Variants in TCF3 observed in about 807,000 individuals in gnomAD.
TCF3 encodes transcription factor E2-alpha.
Under a neutral mutation model 72.3 loss-of-function variants are expected in TCF3, and 54 were observed. The observed-to-expected ratio is 0.75, with a 90% CI of 0.60 to 0.94. The LOEUF is 0.94. Among genes scored for constraint, TCF3 ranks in the 40% least tolerant of loss-of-function variants. The pLI is 0.00. For missense variants in TCF3, 1,078 were observed against 934.4 expected (o/e 1.15, Z -2.00); for synonymous variants, 525 against 412.6 (o/e 1.27, Z -3.30).
chr19:1,632,588 G>A (rs1425736962), intron 3 of TCF3, among the ~76,000 whole-genome samples, 183 bp from the exon 4 acceptor site: 2 of 152,108 alleles, frequency 1.3e-5, no homozygotes, highest in African/African-American at 2.4e-5. Flanking sequence ...CAGACACCCT[G>A]GGACTCGGAG....
chr19:1,611,244 T>G lies in TCF3; in HGVS notation c.*463A>C. 1 of 301,680 alleles carries G rather than the reference T, an allele frequency of 3.3e-6. No homozygotes were observed. The highest frequency in any genetic ancestry group is 6.1e-6 in the Non-Finnish European group (1 of 164,386). The allele number at this position is 301,680 out of a possible 1,614,324, so 18.7% of individuals were successfully genotyped here. A position where few individuals can be genotyped will look rare whatever the true frequency, so the allele number is the denominator to read the frequency against. On this transcript the variant is annotated 3_prime_UTR_variant, in exon 19 of 19. Coordinates refer to ENST00000262965, the MANE Select transcript of TCF3 (RefSeq NM_003200.5). Reference sequence around the variant, plus strand: ...CAATTTGCTGGTGGCTTTAGAAGAATAAGCCAGGTTTCCACAGCATCCCCC... The same window carrying G: ...CAATTTGCTGGTGGCTTTAGAAGAAGAAGCCAGGTTTCCACAGCATCCCCC...
At position 1,611,710 on chromosome 19, in the gene TCF3, CAT is replaced by C; in HGVS notation, c.1960_1961del (p.Met654ValfsTer47). The C allele has an allele frequency of 6.2e-7, 1 of 1,612,828 alleles. No homozygotes were observed. The highest frequency in any genetic ancestry group is 8.5e-7 in the Non-Finnish European group (1 of 1,179,426). On this transcript the variant is annotated frameshift_variant, in exon 19 of 19. Coordinates refer to ENST00000262965, the MANE Select transcript of TCF3 (RefSeq NM_003200.5). LOFTEE classifies it high-confidence loss of function. ...TCGTCCCACGGAGGCATACCTTTCA[CAT>C]GTGCCCGGCGGGGTTGTGGGCTTCG... ...LSEAHNPAGH[M>X]
intron 5 of TCF3, 42 bp downstream of exon 5, chr19:1,631,996 A>G: frequency 6.2e-7 from 1 of 1,601,330 alleles, no homozygotes; most frequent in Non-Finnish European, 8.5e-7. Flanking sequence ...ACGTCTGCAC[A>G]TCTGTGCACA....
intron 1 of TCF3, chr19:1,651,373 G>C (rs942253807): frequency 2.6e-5 from 6 of 227,296 alleles, no homozygotes; most frequent in Non-Finnish European, 4.4e-5. Context: ...ACTGGAGGCC[G>C]GGTGTGAAGC....
intron 3 of TCF3, among the ~76,000 whole-genome samples, chr19:1,639,001 C>CAA (rs1184792044): frequency 6.6e-6 from 1 of 152,168 alleles, no homozygotes; most frequent in African/African-American, 2.4e-5. Flanking sequence ...GCCACACCAA[C>CAA]AAAAAGGAAG....
chr19:1,640,906 T>C (rs1008108679), intron 3 of TCF3, among the ~76,000 whole-genome samples: 1 of 151,792 alleles, frequency 6.6e-6, no homozygotes, highest in African/African-American at 2.4e-5. Flanking sequence ...CCCAGCACTT[T>C]GGGAGGCCGA....
At chr19:1,648,278 C>T (rs1179001685) in intron 2 of TCF3, among the ~76,000 whole-genome samples, 1 of 152,164 alleles carries the variant, frequency 6.6e-6, no homozygotes, top group Non-Finnish European at 1.5e-5. Flanking sequence ...AGTGGGGATG[C>T]GGGCAGTCAC....
At chr19:1,617,687 C>T (rs541594936) in intron 16 of TCF3, among the ~76,000 whole-genome samples, 9 of 152,332 alleles carry the variant, frequency 5.9e-5, no homozygotes, top group Non-Finnish European at 1.3e-4. Context: ...CCTCAGCACA[C>T]GAAGTGAAGG....
intron 7 of TCF3, 101 bp downstream of exon 7, chr19:1,625,475 G>A: frequency 7.3e-7 from 1 of 1,370,312 alleles, no homozygotes; most frequent in Non-Finnish European, 9.5e-7. Context: ...GAAGGTGCGG[G>A]GTCTGCTCCC....
chr19:1,652,145 C>T (rs2145860114), intron 1 of TCF3, among the ~76,000 whole-genome samples, 155 bp downstream of exon 1: 1 of 149,968 alleles, frequency 6.7e-6, no homozygotes, highest in African/African-American at 2.4e-5. Context: ...AGTTGGAGAA[C>T]AATGACTCCC....
chr19:1,644,806 C>A (rs958987747), intron 3 of TCF3, among the ~76,000 whole-genome samples: 2 of 152,012 alleles, frequency 1.3e-5, no homozygotes, highest in Non-Finnish European at 2.9e-5. Context: ...CACCTCCCAC[C>A]CCACCCTCCC....
At position 1,611,630 on chromosome 19, in the gene TCF3, C is replaced by G; in HGVS notation, c.*77G>C. 1.3e-6 allele frequency: 2 copies of G among 1,539,632 alleles called. No homozygotes were observed. The highest frequency in any genetic ancestry group is 8.8e-7 in the Non-Finnish European group (1 of 1,140,028). On this transcript the variant is annotated 3_prime_UTR_variant, in exon 19 of 19. Transcript: ENST00000262965. ...TGTGAGGTGTGGATGTGGATGAAGC[C>G]CGGGGTCTCGAGTGGCCGTTCTGGG...
intron 7 of TCF3, among the ~76,000 whole-genome samples, chr19:1,624,418 A>AG (rs2062632255): frequency 6.6e-6 from 1 of 152,012 alleles, no homozygotes; most frequent in African/African-American, 2.4e-5. Flanking sequence ...AGCAGCAGCA[A>AG]CAACAACAAA....
intron 3 of TCF3, among the ~76,000 whole-genome samples, chr19:1,634,974 T>C (rs143972513): frequency 3.9e-5 from 6 of 152,330 alleles, no homozygotes; most frequent in Admixed American, 3.3e-4. Flanking sequence ...CTGACCTTGA[T>C]ACAGAAAAAG....
intron 3 of TCF3, among the ~76,000 whole-genome samples, chr19:1,640,756 A>G (rs2065118274): frequency 6.6e-6 from 1 of 151,870 alleles, no homozygotes; most frequent in Admixed American, 6.6e-5. Flanking sequence ...GTGAGCTGAG[A>G]TCACGCCACT....
intron 7 of TCF3, 120 bp from the exon 8 acceptor site, chr19:1,624,120 G>C: frequency 1.0e-6 from 1 of 977,548 alleles, no homozygotes; most frequent in South Asian, 1.5e-5. Flanking sequence ...CGGGTCGGCT[G>C]GGTGCGGTGC....
Position 1,615,361 on chromosome 19 carries a change from G to A in TCF3, c.1746C>T (p.Ser582=), listed in dbSNP as rs990582285. 11 of 1,613,624 alleles carry A rather than the reference G, an allele frequency of 6.8e-6. No homozygotes were observed. Among genetic ancestry groups the A allele is most frequent in the East Asian group, 4.5e-5 (2 of 44,868 alleles). ...TGAGCAGTTTGGTCTGGGGCTTCTC[G>A]CTGTTGAGGTGCAGTTGGCACATGC... is the stretch of plus-strand genomic sequence containing the variant. ...LGRMCQLHLN[S]EKPQTKLLIL... The change falls in exon 18 of 19, where the codon AGC becomes AGT. Residue 582 remains serine, a synonymous_variant. Transcript: ENST00000262965. The surrounding 1 kb of genome is among the most constrained non-coding windows in gnomAD (Gnocchi z 7.3).
intron 3 of TCF3, among the ~76,000 whole-genome samples, chr19:1,637,966 G>C (rs529598657): frequency 1.3e-5 from 2 of 152,258 alleles, no homozygotes; most frequent in African/African-American, 4.8e-5. Context: ...GAACAAAAAG[G>C]ATGAAGTTCA....
chr19:1,650,535 G>GGT (rs1311150996), intron 1 of TCF3: 1 of 403,218 alleles, frequency 2.5e-6, no homozygotes, highest in Non-Finnish European at 4.4e-6. Flanking sequence ...ATGGGGGGAG[G>GGT]GTGTGCAAAT....
Sources: gnomAD v4.1 joint callset for allele counts (sites outside exome capture counted in the v4.1 genomes callset) on GRCh38, gnomAD v4.1.1 for gene constraint, Gnocchi (gnomAD v3.1) non-coding constraint, MANE v1.5 for transcripts, NCBI Gene and HGNC (gene_info 2026-07-23, HGNC 2026-07-21) for gene names.